The following AVEN variants were observed in gnomAD, a reference collection of about 807,000 sequenced individuals.
AVEN encodes the protein apoptosis and caspase activation inhibitor.
In AVEN, 41 loss-of-function variants were observed where a neutral mutation model predicts 38.1. That is an observed-to-expected ratio of 1.08 (90% CI 0.84 to 1.40). The LOEUF (loss-of-function observed/expected upper bound fraction) is 1.40, where lower values mean the gene tolerates loss of function less well. AVEN is among the 40% of genes most tolerant of loss of function. The probability of loss-of-function intolerance (pLI) is 0.00; values close to 1 mark genes in which losing one functional copy is unlikely to be tolerated. For synonymous variants in AVEN, 206 were observed against 171.8 expected, an observed-to-expected ratio of 1.20 and a Z score of -1.56; for missense variants, 605 against 438.8, an observed-to-expected ratio of 1.38 and a Z score of -3.38.
At chr15:33,974,006 AATAAT>A (rs1895761296) in intron 2 of AVEN, among the ~76,000 whole-genome samples, 1 of 152,224 alleles carries the variant, frequency 6.6e-6, no homozygotes, top group African/African-American at 2.4e-5. Flanking sequence ...TTTATACTGA[AATAAT>A]AGCTATAAGG....
chr15:34,057,725 G>T (rs1257218437), intron 5 of AVEN, among the ~76,000 whole-genome samples: 1 of 152,110 alleles, frequency 6.6e-6, no homozygotes, highest in Non-Finnish European at 1.5e-5. Context: ...TGAGGCCATG[G>T]GTTCCAGCTT....
At chr15:33,966,655 A>AAGAGG (rs1895397165) in intron 2 of AVEN, among the ~76,000 whole-genome samples, 1 of 45,880 alleles carries the variant, frequency 2.2e-5, no homozygotes, top group African/African-American at 2.8e-5. Context: ...GCCAATTTGA[A>AAGAGG]AGATGAGATA....
chr15:33,856,892 C>G (rs902089877), downstream of AVEN: 3 of 152,212 alleles, frequency 2.0e-5, no homozygotes, highest in Admixed American at 2.0e-4. Flanking sequence ...CTCCTGACCT[C>G]GTGATCCGCC....
At chr15:33,898,024 C>T (rs1316633316) in intron 2 of AVEN, among the ~76,000 whole-genome samples, 1 of 152,084 alleles carries the variant, frequency 6.6e-6, no homozygotes, top group African/African-American at 2.4e-5. Context: ...CCCATTTCTA[C>T]TAAAAATACA....
chr15:34,074,632 G>A (rs763876038), exon 1 of AVEN, among the ~76,000 whole-genome samples: 2 of 152,046 alleles, frequency 1.3e-5, no homozygotes, highest in Non-Finnish European at 2.9e-5. Flanking sequence ...CGGTCTCTGT[G>A]TCTCAATTTC....
At chr15:33,927,629 C>A (rs974919969) in intron 2 of AVEN, among the ~76,000 whole-genome samples, 1 of 152,130 alleles carries the variant, frequency 6.6e-6, no homozygotes, top group African/African-American at 2.4e-5. Context: ...CCTTGGGAGG[C>A]CCAAGGCACA....
rs1283079419 is a variant in AVEN at position 33,941,571 on chromosome 15, G to A, written c.445+61461C>T. On this transcript the variant is annotated intron_variant, in intron 2 of 5. Coordinates refer to ENST00000306730, the MANE Select transcript of AVEN (RefSeq NM_020371.3). Reference sequence around the variant, plus strand: ...TTGTTCTAGTTTCAGTTTGGGAACCGCACAATTTACATTAAAAACAAAAAT... The same window carrying A: ...TTGTTCTAGTTTCAGTTTGGGAACCACACAATTTACATTAAAAACAAAAAT... Among the ~76,000 whole-genome samples, 4 of 151,976 alleles carry A rather than the reference G, an allele frequency of 2.6e-5. No homozygotes were observed. In the East Asian group the frequency reaches 5.8e-4, roughly 22 times the overall value.
downstream of AVEN, among the ~76,000 whole-genome samples, chr15:33,853,896 T>C (rs557574345): frequency 2.0e-5 from 3 of 152,080 alleles, no homozygotes; most frequent in Non-Finnish European, 4.4e-5. Flanking sequence ...AAAGACTTAA[T>C]TAAAATTTCA....
At chr15:34,050,140 G>A (rs372441936) in intron 5 of AVEN, among the ~76,000 whole-genome samples, 14 of 151,820 alleles carry the variant, frequency 9.2e-5, no homozygotes, top group Non-Finnish European at 1.3e-4. Context: ...CACCCACCTC[G>A]GCCTCCCAAA....
chr15:33,995,735 T>TA lies in AVEN; in HGVS notation c.445+7296dup, dbSNP rs1896905160. Among the ~76,000 whole-genome samples, 3 of 152,342 alleles carry TA rather than the reference T, an allele frequency of 2.0e-5. No homozygotes were observed. The South Asian group carries it at 6.2e-4, about 32-fold the overall frequency. On this transcript the variant is annotated intron_variant, in intron 2 of 5. Transcript: ENST00000306730. ...TGGGACATTATATCATTTGGGTTTT[T>TA]AAAATGCTGCTGCAGCTCCCAGCGT... is the stretch of plus-strand genomic sequence containing the variant.
In AVEN at chr15:33,866,565, C is replaced by A. The variant is rs538803328; in HGVS notation, c.*48G>T. On this transcript the variant is annotated 3_prime_UTR_variant, in exon 6 of 6. Transcript: ENST00000306730. ...TGAAGGACAGCCTTATGCCCACCTG[C>A]CGTTAGAAGGCAACCAAGATTTGCT... 6 of 1,438,408 alleles carry A rather than the reference C, an allele frequency of 4.2e-6. No individual in the cohort carries two copies. The South Asian group carries it at 4.6e-5, about 11-fold the overall frequency. The allele number at this position is 1,438,408 out of a possible 1,614,324, so 89.1% of individuals were successfully genotyped here. A position where few individuals can be genotyped will look rare whatever the true frequency, so the allele number is the denominator to read the frequency against.
intron 2 of AVEN, among the ~76,000 whole-genome samples, chr15:33,990,329 C>G (rs754559044): frequency 9.2e-5 from 14 of 152,082 alleles, no homozygotes; most frequent in Non-Finnish European, 1.8e-4. Context: ...CTGCAGTGAG[C>G]CGAGATCACG....
intron 11 of AVEN, chr15:33,860,771 G>C (rs369653586): frequency 1.2e-6 from 1 of 866,732 alleles, no homozygotes; most frequent in East Asian, 2.7e-5. Flanking sequence ...AAGCAAGAAC[G>C]CAGTTTGTTT....
chr15:34,011,331 C>T (rs187233198), intron 1 of AVEN, among the ~76,000 whole-genome samples: 134 of 152,052 alleles, frequency 8.8e-4, no homozygotes, highest in Non-Finnish European at 1.3e-3. Context: ...CAAAAAAGGG[C>T]GTTTCCATTT....
chr15:33,947,600 C>G (rs144964866), intron 2 of AVEN, among the ~76,000 whole-genome samples: 1 of 152,252 alleles, frequency 6.6e-6, no homozygotes, highest in African/African-American at 2.4e-5. Flanking sequence ...ATATAACATA[C>G]AACATCCTCC....
intron 3 of AVEN, among the ~76,000 whole-genome samples, chr15:33,872,262 T>C (rs1163513246): frequency 6.6e-6 from 1 of 152,244 alleles, no homozygotes; most frequent in Non-Finnish European, 1.5e-5. Flanking sequence ...TCTGCAAGCC[T>C]GAAGCTTCCT....
At chr15:33,873,308 C>T (rs1199683996) in intron 3 of AVEN, among the ~76,000 whole-genome samples, 2 of 150,224 alleles carry the variant, frequency 1.3e-5, no homozygotes, top group African/African-American at 4.9e-5. Flanking sequence ...CCATGTTGGC[C>T]AGGCTGGTCT....
intron 2 of AVEN, chr15:33,992,005 T>A (rs1270844083): frequency 1.3e-5 from 2 of 152,238 alleles, no homozygotes; most frequent in African/African-American, 4.8e-5. Context: ...AAACAAAGAA[T>A]TGCTTCAAAA....
chr15:33,913,103 G>C (rs1178240215), intron 2 of AVEN, among the ~76,000 whole-genome samples: 1 of 151,978 alleles, frequency 6.6e-6, no homozygotes, highest in Non-Finnish European at 1.5e-5. Context: ...TGGTCAGGCT[G>C]GTCTCGAACT....
Sources: gnomAD v4.1 joint callset for allele counts (sites outside exome capture counted in the v4.1 genomes callset) on GRCh38, gnomAD v4.1.1 for gene constraint, MANE v1.5 for transcripts, NCBI Gene and HGNC (gene_info 2026-07-23, HGNC 2026-07-21) for gene names.